The following ADGRV1 variants were observed in gnomAD, a reference collection of about 807,000 sequenced individuals.
ADGRV1 encodes adhesion G protein-coupled receptor V1, also known as G-protein coupled receptor 98.
Under a neutral mutation model 596.2 loss-of-function variants are expected in ADGRV1, and 359 were observed. The observed-to-expected ratio is 0.60, with a 90% CI of 0.55 to 0.66. The LOEUF is 0.66. ADGRV1 is among the 30% of genes least tolerant of loss of function. ADGRV1 has a pLI of 0.00. For synonymous variants in ADGRV1, 2,681 were observed against 2,679.2 expected (o/e 1.00, Z -0.02); for missense variants, 7,274 against 7,575.6 (o/e 0.96, Z 1.48).
At chr5:90,661,125 C>T (rs1770224356) in intron 21 of ADGRV1, among the ~76,000 whole-genome samples, 1 of 152,122 alleles carries the variant, frequency 6.6e-6, no homozygotes, top group South Asian at 2.1e-4. Flanking sequence ...CATGTTTCTT[C>T]CCCATATTTT....
intron 76 of ADGRV1, among the ~76,000 whole-genome samples, chr5:90,827,164 T>A (rs773941917): frequency 1.3e-5 from 2 of 152,264 alleles, no homozygotes; most frequent in Non-Finnish European, 2.9e-5. Flanking sequence ...CATCTTATAC[T>A]AGTTAGGGCA....
chr5:90,596,038 T>C (rs184066876), intron 1 of ADGRV1, among the ~76,000 whole-genome samples: 10,296 of 132,602 alleles, frequency 0.078, 1,271 homozygotes, highest in African/African-American at 0.28. Flanking sequence ...TCATACGGGG[T>C]GGCTGCCGGG....
At chr5:90,756,894 G>A in intron 56 of ADGRV1, 85 bp from the exon 57 acceptor site, 2 of 1,144,996 alleles carry the variant, frequency 1.7e-6, no homozygotes, top group Non-Finnish European at 2.5e-6. Flanking sequence ...AATATAGAAA[G>A]TTAAGTAGAA....
rs542517909 is a variant in ADGRV1, at chr5:90,595,836, G to A, written c.23-18999G>A. 1.2e-3 allele frequency among the ~76,000 whole-genome samples: 170 copies of A among 147,542 alleles called. 1 individual carries two copies. Among genetic ancestry groups the A allele is most frequent in the African/African-American group, 3.6e-3 (143 of 39,774 alleles). On this transcript the variant is annotated intron_variant, in intron 1 of 89. Transcript: ENST00000405460. Reference sequence around the variant, plus strand: ...GGACGGGGCAGCTGGCCGGGTGGGCGGCTGACGCCCCCACCTCCCTCCCGG... The same window carrying A: ...GGACGGGGCAGCTGGCCGGGTGGGCAGCTGACGCCCCCACCTCCCTCCCGG...
At chr5:90,919,308 C>T (rs1218244043) in intron 83 of ADGRV1, among the ~76,000 whole-genome samples, 2 of 152,114 alleles carry the variant, frequency 1.3e-5, no homozygotes, top group East Asian at 3.9e-4. Flanking sequence ...AAGCCTTGCC[C>T]GATCATAAAA....
intron 55 of ADGRV1, among the ~76,000 whole-genome samples, chr5:90,756,057 A>C (rs925473326): frequency 6.6e-6 from 1 of 151,832 alleles, no homozygotes; most frequent in Admixed American, 6.6e-5. Flanking sequence ...AATTAAATAT[A>C]GGCTTATATC....
chr5:91,045,404 G>A (rs1454025772), intron 85 of ADGRV1, among the ~76,000 whole-genome samples: 1 of 152,022 alleles, frequency 6.6e-6, no homozygotes, highest in Admixed American at 6.6e-5. Context: ...CAATAAATGT[G>A]GTATGCCACA....
chr5:90,741,508 GACTA>G (rs779041376), intron 50 of ADGRV1, among the ~76,000 whole-genome samples: 1 of 151,946 alleles, frequency 6.6e-6, no homozygotes, highest in African/African-American at 2.4e-5. Context: ...TATTCAAGTG[GACTA>G]ACTATGTCTC....
At chr5:90,900,370 G>A (rs975231577) in intron 83 of ADGRV1, among the ~76,000 whole-genome samples, 2 of 146,494 alleles carry the variant, frequency 1.4e-5, no homozygotes, top group Non-Finnish European at 3.0e-5. Context: ...TGCTTCTGGT[G>A]TGTAACCATG....
intron 1 of ADGRV1, among the ~76,000 whole-genome samples, chr5:90,570,037 A>G (rs625135): frequency 0.53 from 80,615 of 151,940 alleles, 21,958 homozygotes; most frequent in African/African-American, 0.65. Flanking sequence ...CTTTTCTGGC[A>G]CTTTACATTT....
At chr5:90,815,818 G>A in intron 75 of ADGRV1, 82 bp downstream of exon 75, 1 of 823,146 alleles carries the variant, frequency 1.2e-6, no homozygotes, top group Non-Finnish European at 2.0e-6. Flanking sequence ...AATGGTGGAG[G>A]GCAGGGTAAG....
intron 77 of ADGRV1, among the ~76,000 whole-genome samples, chr5:90,833,143 C>T (rs1050504712): frequency 3.3e-5 from 5 of 152,060 alleles, no homozygotes; most frequent in African/African-American, 1.2e-4. Context: ...ATGTCATTGG[C>T]ATTTTGATAA....
chr5:90,794,436 G>A (rs1760440464), intron 70 of ADGRV1, among the ~76,000 whole-genome samples: 1 of 152,146 alleles, frequency 6.6e-6, no homozygotes, highest in African/African-American at 2.4e-5. Flanking sequence ...CAGAATGCAA[G>A]AGGAATTTTA....
At chr5:90,747,960 G>A (rs1397354770) in intron 52 of ADGRV1, among the ~76,000 whole-genome samples, 1 of 152,174 alleles carries the variant, frequency 6.6e-6, no homozygotes, top group African/African-American at 2.4e-5. Flanking sequence ...GTAGAAAAGT[G>A]AATGATCTGA....
intron 83 of ADGRV1, among the ~76,000 whole-genome samples, chr5:90,930,256 T>G (rs1775104827): frequency 1.3e-5 from 2 of 152,210 alleles, no homozygotes; most frequent in African/African-American, 2.4e-5. Context: ...TGCCAATATT[T>G]ACTTTCAGTC....
chr5:90,633,854 G>C (rs554305297), intron 9 of ADGRV1, among the ~76,000 whole-genome samples: 1 of 151,938 alleles, frequency 6.6e-6, no homozygotes, highest in Non-Finnish European at 1.5e-5. Flanking sequence ...TCTTTCTCCT[G>C]TATATGATTT....
At chr5:90,902,853 T>G (rs1010755029) in intron 83 of ADGRV1, among the ~76,000 whole-genome samples, 1 of 152,122 alleles carries the variant, frequency 6.6e-6, no homozygotes, top group African/African-American at 2.4e-5. Context: ...GTTCACAAGT[T>G]CTCCATTTAT....
In ADGRV1 at chr5:91,163,773, C is replaced by T. The variant is rs1342225205; in HGVS notation, c.18803-9C>T. ...TTGGATTTTTGTGTTCATTCTATTTCTGTGGCAGGTGCTGGTCTCAGTGTC... is the reference window on the plus strand; with the variant it reads ...TTGGATTTTTGTGTTCATTCTATTTTTGTGGCAGGTGCTGGTCTCAGTGTC... On this transcript the variant is annotated splice_polypyrimidine_tract_variant and intron_variant, in intron 89 of 89. Coordinates refer to ENST00000405460, the MANE Select transcript of ADGRV1 (RefSeq NM_032119.4). 1.5e-6 allele frequency: 2 copies of T among 1,312,712 alleles called. No individual in the cohort carries two copies. The highest frequency in any genetic ancestry group is 2.2e-6 in the Non-Finnish European group (2 of 926,908). The allele number at this position is 1,312,712 out of a possible 1,614,324, so 81.3% of individuals were successfully genotyped here.
At chr5:90,696,225 T>C (rs1747176452) in intron 33 of ADGRV1, among the ~76,000 whole-genome samples, 1 of 152,166 alleles carries the variant, frequency 6.6e-6, no homozygotes. Flanking sequence ...GCAGAAAGTA[T>C]TGGATTTAGG....
Sources: allele counts gnomAD v4.1 joint callset (sites outside exome capture counted in the v4.1 genomes callset), GRCh38; gene constraint gnomAD v4.1.1; transcripts MANE v1.5; gene names NCBI Gene and HGNC (gene_info 2026-07-23, HGNC 2026-07-21).